Variants in LNX1 observed in about 807,000 individuals in gnomAD.
The protein encoded by LNX1 is ligand of numb-protein X 1, also known as E3 ubiquitin-protein ligase LNX.
A neutral mutation model predicts 68.4 loss-of-function variants in LNX1; 54 were observed. The ratio of observed to expected loss-of-function variants is 0.79; its 90% CI spans 0.63 to 0.99. LNX1 has a LOEUF of 0.99. Among genes scored for constraint, LNX1 ranks in the 50% least tolerant of loss-of-function variants. The probability of loss-of-function intolerance (pLI) is 0.00; values close to 1 mark genes in which losing one functional copy is unlikely to be tolerated. For synonymous variants in LNX1, 336 were observed against 350.0 expected (o/e 0.96, Z 0.45); for missense variants, 906 against 926.4 (o/e 0.98, Z 0.29).
chr4:53,569,111 C>G (rs1469138201), intron 2 of LNX1, among the ~76,000 whole-genome samples: 2 of 151,746 alleles, frequency 1.3e-5, no homozygotes, highest in Non-Finnish European at 2.9e-5. Flanking sequence ...AGATTCAGTG[C>G]CATCCCCATC....
chr4:53,538,445 G>A (rs1236593046), intron 2 of LNX1, among the ~76,000 whole-genome samples: 1 of 152,016 alleles, frequency 6.6e-6, no homozygotes, highest in Non-Finnish European at 1.5e-5. Context: ...GAGGAGGCAG[G>A]CATGAGGGGT....
At chr4:53,560,446 C>T (rs1730206988) in intron 2 of LNX1, among the ~76,000 whole-genome samples, 1 of 152,172 alleles carries the variant, frequency 6.6e-6, no homozygotes, top group African/African-American at 2.4e-5. Context: ...TTTAACCTCC[C>T]CTTCTTCCTT....
intron 10 of LNX1, 79 bp from the exon 11 acceptor site, chr4:53,461,121 C>T: frequency 1.6e-6 from 2 of 1,215,124 alleles, no homozygotes; most frequent in Non-Finnish European, 2.3e-6. Context: ...CTTAGTGGTG[C>T]TAGATTTTGC....
At chr4:53,516,692 A>G (rs1726812618) in intron 2 of LNX1, among the ~76,000 whole-genome samples, 1 of 152,184 alleles carries the variant, frequency 6.6e-6, no homozygotes, top group African/African-American at 2.4e-5. Flanking sequence ...GAAAGAACAG[A>G]CCTGAAGTGA....
chr4:53,636,547 A>C (rs1191498857), intron 1 of LNX1, among the ~76,000 whole-genome samples: 1 of 152,142 alleles, frequency 6.6e-6, no homozygotes, highest in East Asian at 1.9e-4. Flanking sequence ...GAACCATAAA[A>C]TGGAGATGAT....
chr4:53,500,079 G>T (rs1445955462), intron 4 of LNX1: 1 of 152,190 alleles, frequency 6.6e-6, no homozygotes, highest in African/African-American at 2.4e-5. Flanking sequence ...GAGAAGGGGA[G>T]TGAAGTAACT....
At chr4:53,625,913 CATGTGTACACAAG>C (rs1426128567) in intron 1 of LNX1, among the ~76,000 whole-genome samples, 2 of 150,670 alleles carry the variant, frequency 1.3e-5, no homozygotes, top group Non-Finnish European at 3.0e-5. Flanking sequence ...CATGTCTACA[CATGTGTACACAAG>C]ATGTGTACAC....
intron 6 of LNX1, among the ~76,000 whole-genome samples, chr4:53,494,110 C>G (rs1382950151): frequency 6.6e-6 from 1 of 152,188 alleles, no homozygotes; most frequent in African/African-American, 2.4e-5. Flanking sequence ...AATTGTAGCT[C>G]CCATCATTCC....
intron 1 of LNX1, among the ~76,000 whole-genome samples, chr4:53,640,318 G>C (rs1472767787): frequency 6.6e-6 from 1 of 152,230 alleles, no homozygotes; most frequent in Middle Eastern, 3.2e-3. Flanking sequence ...CAATGATAGA[G>C]AAGTCTTTCT....
chr4:53,510,229 A>G (rs1428398807), intron 2 of LNX1, among the ~76,000 whole-genome samples: 3 of 152,254 alleles, frequency 2.0e-5, no homozygotes, highest in Non-Finnish European at 2.9e-5. Context: ...CAAAGCCACA[A>G]GAGTCTAGTT....
At chr4:53,488,994 C>A (rs1724508983) in intron 6 of LNX1, among the ~76,000 whole-genome samples, 1 of 152,114 alleles carries the variant, frequency 6.6e-6, no homozygotes, top group African/African-American at 2.4e-5. Flanking sequence ...AGAAATATAA[C>A]TCTAGAATGA....
At chr4:53,608,798 T>C (rs1353904695) in intron 2 of LNX1, among the ~76,000 whole-genome samples, 8 of 152,176 alleles carry the variant, frequency 5.3e-5, no homozygotes, top group Non-Finnish European at 1.5e-5. Context: ...AATGAGATCA[T>C]GTTCTTTGCA....
chr4:53,635,509 T>A (rs1025829174), intron 1 of LNX1, among the ~76,000 whole-genome samples: 7 of 152,172 alleles, frequency 4.6e-5, no homozygotes, highest in African/African-American at 1.7e-4. Flanking sequence ...AATGAGTCCA[T>A]TTGGTATTAA....
intron 9 of LNX1, among the ~76,000 whole-genome samples, chr4:53,464,212 G>A (rs1257043320): frequency 6.6e-6 from 1 of 151,928 alleles, no homozygotes; most frequent in African/African-American, 2.4e-5. Context: ...TAACTTCCTG[G>A]CCCCAATTTA....
intron 2 of LNX1, among the ~76,000 whole-genome samples, chr4:53,600,622 GGGAAGTTCATTT>G (rs1320289491): frequency 6.6e-6 from 1 of 152,042 alleles, no homozygotes; most frequent in Non-Finnish European, 1.5e-5. Flanking sequence ...ATAATAATAG[GGGAAGTTCATTT>G]GACTTTTCTC....
intron 2 of LNX1, among the ~76,000 whole-genome samples, chr4:53,547,642 G>C (rs1328371828): frequency 6.6e-6 from 1 of 152,176 alleles, no homozygotes; most frequent in Non-Finnish European, 1.5e-5. Context: ...AGTCGGGAAG[G>C]GCTCACAGGT....
chr4:53,512,508 G>GTGTGTGTGTGTGTA (rs371399015), intron 2 of LNX1, among the ~76,000 whole-genome samples: 200 of 149,380 alleles, frequency 1.3e-3, no homozygotes, highest in African/African-American at 3.9e-3. Flanking sequence ...GTGTGTGTGT[G>GTGTGTGTGTGTGTA]TGTGTGTGTG....
chr4:53,636,494 G>A (rs1734484562), intron 1 of LNX1, among the ~76,000 whole-genome samples: 1 of 152,064 alleles, frequency 6.6e-6, no homozygotes, highest in Admixed American at 6.6e-5. Context: ...AAGGGCTTGA[G>A]TGACCTTAAG....
intron 1 of LNX1, among the ~76,000 whole-genome samples, chr4:53,650,902 CAATAGTTAGTATT>C (rs1158057852): frequency 6.6e-6 from 1 of 152,140 alleles, no homozygotes; most frequent in Non-Finnish European, 1.5e-5. Flanking sequence ...ATGGTCATCA[CAATAGTTAGTATT>C]AATATTTATT....
Sources: gnomAD v4.1 joint callset for allele counts (sites outside exome capture counted in the v4.1 genomes callset) on GRCh38, gnomAD v4.1.1 for gene constraint, MANE v1.5 for transcripts, NCBI Gene and HGNC (gene_info 2026-07-23, HGNC 2026-07-21) for gene names.